CSMD3: variants seen among roughly 807,000 people sequenced by gnomAD.
CSMD3 encodes CUB and Sushi multiple domains 3, also known as CUB and sushi domain-containing protein 3.
A neutral mutation model predicts 435.2 loss-of-function variants in CSMD3; 177 were observed. The observed-to-expected ratio is 0.41, with a 90% CI of 0.36 to 0.46. The LOEUF is 0.46. Ranked by LOEUF, CSMD3 falls within the 20% of genes least tolerant of loss-of-function variation. The pLI is 0.34. For missense variants in CSMD3, 4,265 were observed against 4,504.6 expected (o/e 0.95, Z 1.52); for synonymous variants, 1,656 against 1,520.5 (o/e 1.09, Z -2.07).
chr8:112,929,676 G>A (rs1490815895), intron 9 of CSMD3, among the ~76,000 whole-genome samples: 1 of 151,942 alleles, frequency 6.6e-6, no homozygotes, highest in Non-Finnish European at 1.5e-5. Context: ...GTGTTATAAA[G>A]TAAGAAAAGG....
intron 32 of CSMD3, among the ~76,000 whole-genome samples, chr8:112,413,953 A>AT (rs1474404068): frequency 3.3e-5 from 5 of 152,000 alleles, no homozygotes; most frequent in African/African-American, 1.2e-4. Context: ...CACCTCCACC[A>AT]TCCCCCAGGT....
chr8:112,451,082 T>C (rs969463947), intron 32 of CSMD3, among the ~76,000 whole-genome samples: 2 of 152,148 alleles, frequency 1.3e-5, no homozygotes, highest in Admixed American at 6.5e-5. Flanking sequence ...AAAATCATGA[T>C]GATGAAAAAT....
intron 2 of CSMD3, among the ~76,000 whole-genome samples, chr8:113,294,849 C>T (rs187626492): frequency 5.3e-4 from 80 of 152,120 alleles, no homozygotes; most frequent in African/African-American, 1.8e-3. Context: ...AGAATCATAA[C>T]ATCATAAATA....
chr8:113,086,256 A>T (rs1273689323), intron 5 of CSMD3, among the ~76,000 whole-genome samples: 1 of 151,908 alleles, frequency 6.6e-6, no homozygotes, highest in East Asian at 1.9e-4. Flanking sequence ...CAAAAAAAAA[A>T]AAAAAGAGCC....
intron 3 of CSMD3, among the ~76,000 whole-genome samples, chr8:113,223,830 A>C (rs992492938): frequency 6.6e-6 from 1 of 150,520 alleles, no homozygotes; most frequent in Admixed American, 6.7e-5. Flanking sequence ...GGAAAAAAAA[A>C]CATGTTTCTG....
rs1314389785 is a variant in CSMD3, at chr8:112,511,396, T to C, written c.4757-4567A>G. On this transcript the variant is annotated intron_variant, in intron 28 of 70. Coordinates refer to ENST00000297405, the MANE Select transcript of CSMD3 (RefSeq NM_198123.2). ...GGCATTTTCTTTTCTTTTTTTTTTT[T>C]TTTTTTTTTTTGAGATGGAGTCTCG... Among the ~76,000 whole-genome samples, 47 of 144,034 alleles carry C rather than the reference T, an allele frequency of 3.3e-4. 1 individual carries two copies. The highest frequency in any genetic ancestry group is 4.6e-4 in the Non-Finnish European group (30 of 65,900). The allele number at this position is 144,034 out of a possible 152,430, so 94.5% of individuals were successfully genotyped here.
At chr8:113,370,365 T>C (rs1187079585) in intron 1 of CSMD3, among the ~76,000 whole-genome samples, 2 of 151,506 alleles carry the variant, frequency 1.3e-5, no homozygotes, top group African/African-American at 2.4e-5. Flanking sequence ...CTTCCAGCCT[T>C]TTACTTAAAA....
At chr8:113,391,913 G>T (rs537813932) in intron 1 of CSMD3, among the ~76,000 whole-genome samples, 1 of 152,116 alleles carries the variant, frequency 6.6e-6, no homozygotes, top group South Asian at 2.1e-4. Flanking sequence ...AGATGCAGCT[G>T]CTAACATGTA....
chr8:112,469,057 AATATTATGCAC>A (rs1818255516), intron 32 of CSMD3, among the ~76,000 whole-genome samples: 2 of 152,076 alleles, frequency 1.3e-5, no homozygotes, highest in South Asian at 4.1e-4. Context: ...AAAGCGAAGT[AATATTATGCAC>A]ATATTTATTA....
At chr8:112,723,966 C>A (rs563637704) in intron 13 of CSMD3, among the ~76,000 whole-genome samples, 2 of 151,886 alleles carry the variant, frequency 1.3e-5, no homozygotes, top group South Asian at 2.1e-4. Context: ...TCCGTTCACT[C>A]CCCACCTTGG....
At chr8:112,492,834 TG>T in intron 30 of CSMD3, 151 bp from the exon 31 acceptor site, 1 of 693,862 alleles carries the variant, frequency 1.4e-6, no homozygotes, top group Non-Finnish European at 2.6e-6. Flanking sequence ...AGACTTTTTT[TG>T]TCATTACTCC....
chr8:112,491,314 T>C (rs34991004), intron 31 of CSMD3, among the ~76,000 whole-genome samples: 1 of 152,190 alleles, frequency 6.6e-6, no homozygotes, highest in Non-Finnish European at 1.5e-5. Flanking sequence ...ATATTTATTG[T>C]ATTTTATTTA....
chr8:112,808,106 A>C (rs938337989), intron 12 of CSMD3, among the ~76,000 whole-genome samples: 3 of 152,188 alleles, frequency 2.0e-5, no homozygotes, highest in Non-Finnish European at 4.4e-5. Flanking sequence ...CCTAAGGTAC[A>C]TGTGGCAGTT....
At chr8:112,583,886 A>C (rs1028974492) in intron 23 of CSMD3, among the ~76,000 whole-genome samples, 1 of 151,870 alleles carries the variant, frequency 6.6e-6, no homozygotes, top group African/African-American at 2.4e-5. Flanking sequence ...TTAAGTAAGA[A>C]TCACACGGGA....
At chr8:112,873,842 A>C (rs1388118955) in intron 10 of CSMD3, among the ~76,000 whole-genome samples, 2 of 151,862 alleles carry the variant, frequency 1.3e-5, no homozygotes, top group African/African-American at 4.8e-5. Context: ...TATTTTGTTA[A>C]TCTTTTCATA....
chr8:112,669,124 C>T (rs1250873338), intron 16 of CSMD3, among the ~76,000 whole-genome samples: 3 of 151,946 alleles, frequency 2.0e-5, no homozygotes, highest in African/African-American at 7.2e-5. Context: ...CCTCTGCCTC[C>T]TGGGTTCAAA....
chr8:113,161,211 T>C (rs1024102178), intron 4 of CSMD3, among the ~76,000 whole-genome samples: 3 of 152,128 alleles, frequency 2.0e-5, no homozygotes, highest in Admixed American at 6.6e-5. Flanking sequence ...TGGTATAGCA[T>C]TGCTTCAATG....
intron 10 of CSMD3, among the ~76,000 whole-genome samples, chr8:112,889,730 C>T (rs2081726473): frequency 1.3e-5 from 2 of 151,762 alleles, no homozygotes; most frequent in South Asian, 2.1e-4. Context: ...GTATTTTTAA[C>T]ATATTACAGA....
Position 112,928,653 on chromosome 8 carries a change from T to C in CSMD3, c.1509-6902A>G, listed in dbSNP as rs538267599. Among the ~76,000 whole-genome samples the C allele has an allele frequency of 7.9e-3, 1,187 of 149,880 alleles. 19 individuals are homozygous for C. Among genetic ancestry groups the C allele is most frequent in the African/African-American group, 0.028 (1,141 of 40,592 alleles). Reference sequence around the variant, plus strand: ...TATGGCTGCATAGTATTCCATGGTGTATATGTGCCACATTTTCTTAATCCA... The same window carrying C: ...TATGGCTGCATAGTATTCCATGGTGCATATGTGCCACATTTTCTTAATCCA... On this transcript the variant is annotated intron_variant, in intron 9 of 70. Coordinates refer to ENST00000297405, the MANE Select transcript of CSMD3 (RefSeq NM_198123.2).
Sources: allele counts gnomAD v4.1 joint callset (sites outside exome capture counted in the v4.1 genomes callset), GRCh38; gene constraint gnomAD v4.1.1; transcripts MANE v1.5; gene names NCBI Gene and HGNC (gene_info 2026-07-23, HGNC 2026-07-21).